Variants in MAN1B1 observed in about 807,000 individuals in gnomAD.
The protein encoded by MAN1B1 is mannosidase alpha class 1B member 1, also known as endoplasmic reticulum mannosyl-oligosaccharide 1,2-alpha-mannosidase.
In MAN1B1, 66 loss-of-function variants were observed where a neutral mutation model predicts 75.5. The observed-to-expected ratio is 0.87, with a 90% CI of 0.72 to 1.07. The LOEUF (loss-of-function observed/expected upper bound fraction) is 1.07. MAN1B1 is among the 50% of genes least tolerant of loss of function. The pLI is 0.00. For missense variants in MAN1B1, 973 were observed against 912.5 expected, an observed-to-expected ratio of 1.07 and a Z score of -0.85; for synonymous variants, 453 against 382.8, an observed-to-expected ratio of 1.18 and a Z score of -2.14.
intron 3 of MAN1B1, 191 bp downstream of exon 3, chr9:137,089,196 C>G: frequency 1.4e-6 from 1 of 705,064 alleles, no homozygotes; most frequent in South Asian, 1.7e-5. Context: ...TTTTGAAGAC[C>G]AGCCATGGCC....
intron 12 of MAN1B1, chr9:137,107,949 T>TC (rs1183044616): frequency 4.7e-6 from 3 of 633,600 alleles, no homozygotes; most frequent in Non-Finnish European, 5.7e-6. Context: ...GGGCCCAGCA[T>TC]CCCCCCAGTT....
At chr9:137,103,311 C>A in intron 8 of MAN1B1, 1 of 436,298 alleles carries the variant, frequency 2.3e-6, no homozygotes, top group South Asian at 1.6e-5. Context: ...CATGCTGTTG[C>A]AGGCGTGCAG....
rs1441928847 is a variant in MAN1B1 at position 137,108,495 on chromosome 9, G to A, written c.2004G>A (p.Leu668=). 6.2e-7 allele frequency: 1 copy of A among 1,613,910 alleles called. No individual in the cohort carries two copies. The highest frequency in any genetic ancestry group is 1.3e-5 in the African/African-American group (1 of 74,928). ...SFFLGETLKY[L]FLLFSDDPNL... ...TCCTGGGGGAGACGCTCAAGTATCTGTTCTTGCTCTTCTCCGATGACCCAA... is the reference window on the plus strand; with the variant it reads ...TCCTGGGGGAGACGCTCAAGTATCTATTCTTGCTCTTCTCCGATGACCCAA... Residue 668 remains leucine (L), a synonymous_variant, in exon 13 of 13, where the codon CTG becomes CTA. Coordinates refer to ENST00000371589, the MANE Select transcript of MAN1B1 (RefSeq NM_016219.5).
chr9:137,105,929 GGTGGCTGT>G (rs1198796018), intron 8 of MAN1B1, 188 bp from the exon 9 acceptor site: 26 of 696,598 alleles, frequency 3.7e-5, no homozygotes, highest in South Asian at 2.1e-4. Context: ...GCGTTGCACT[GGTGGCTGT>G]GTGGCTGTGT....
chr9:137,099,337 C>T (rs1221566539), intron 5 of MAN1B1, among the ~76,000 whole-genome samples: 1 of 152,276 alleles, frequency 6.6e-6, no homozygotes, highest in Non-Finnish European at 1.5e-5. Context: ...GCTGTCCCAG[C>T]GCCCTTGGGG....
chr9:137,105,553 G>A (rs747011731), intron 8 of MAN1B1: 6 of 277,636 alleles, frequency 2.2e-5, no homozygotes, highest in African/African-American at 7.0e-5. Flanking sequence ...GACCCGGAGC[G>A]CCCTTGCTGG....
chr9:137,100,540 T>C (rs183783672), intron 6 of MAN1B1, among the ~76,000 whole-genome samples: 21 of 152,320 alleles, frequency 1.4e-4, no homozygotes, highest in African/African-American at 3.8e-4. Context: ...TTTTTGTTTT[T>C]GAGATGGAGT....
Position 137,101,039 on chromosome 9 carries a change from G to A in MAN1B1, c.951G>A (p.Lys317=), listed in dbSNP as rs760295842. Residue 317 remains lysine, a synonymous_variant, in exon 7 of 13, where the codon AAG becomes AAA. Coordinates refer to ENST00000371589, the MANE Select transcript of MAN1B1 (RefSeq NM_016219.5). ...FEEARKWVSK[K]LHFEKDVDVN... is the part of the protein sequence containing the mutation. The stretch of plus-strand genomic sequence containing the variant: ...AAGCCAGGAAGTGGGTGTCGAAGAA[G>A]TTACACTTTGAAAAGGACGTGGACG... The A allele has an allele frequency of 6.2e-7, 1 of 1,614,202 alleles. No homozygotes were observed. The highest frequency in any genetic ancestry group is 1.3e-5 in the African/African-American group (1 of 75,060).
At chr9:137,096,157 A>T in intron 3 of MAN1B1, 80 bp from the exon 4 acceptor site, 1 of 1,475,504 alleles carries the variant, frequency 6.8e-7, no homozygotes, top group East Asian at 2.3e-5. Flanking sequence ...TGTGGGCTGC[A>T]CCTGAGGGCG....
intron 8 of MAN1B1, chr9:137,105,285 A>T (rs1484892189): frequency 6.5e-6 from 1 of 153,956 alleles, no homozygotes; most frequent in African/African-American, 2.4e-5. Context: ...AGCTGGACAC[A>T]GCCCTCTTTA....
Position 137,107,554 on chromosome 9 carries a change from G to A in MAN1B1, c.1788G>A (p.Leu596=). 3.1e-6 allele frequency: 5 copies of A among 1,612,876 alleles called. 1 individual carries two copies. In the South Asian group the frequency reaches 5.5e-5, roughly 18 times the overall value. ...AGCCAGCAGACAGGCACAACCTGCT[G>A]CGGCCAGAGACCGTGGAGAGCCTGT... ...EVKPADRHNL[L]RPETVESLFY... Residue 596 remains leucine (L), a synonymous_variant, in exon 12 of 13, where the codon CTG becomes CTA. Transcript: ENST00000371589.
intron 8 of MAN1B1, chr9:137,104,426 G>A (rs764488612): frequency 3.5e-6 from 1 of 287,924 alleles, no homozygotes; most frequent in South Asian, 3.6e-5. Flanking sequence ...TTAGAGACAG[G>A]GTTTCACCAA....
intron 8 of MAN1B1, chr9:137,104,437 G>A (rs1025674587): frequency 2.1e-5 from 6 of 284,998 alleles, no homozygotes; most frequent in African/African-American, 1.3e-4. Flanking sequence ...GTTTCACCAA[G>A]TTGGCCAGAC....
At chr9:137,104,366 C>G (rs1452138730) in intron 8 of MAN1B1, 1 of 304,086 alleles carries the variant, frequency 3.3e-6, no homozygotes, top group African/African-American at 2.2e-5. Context: ...TCCCAAGTAG[C>G]TGGGATTACA....
Position 137,106,088 on chromosome 9 carries a change from C to T in MAN1B1, c.1255-37C>T, listed in dbSNP as rs554095248. On this transcript the variant is annotated intron_variant, in intron 8 of 12. Coordinates refer to ENST00000371589, the MANE Select transcript of MAN1B1 (RefSeq NM_016219.5). ...CTACAGCTCACCCTGCAGCTCGGCCCTGGCCAGTAAACCCACCATCCCCCT... is the reference window on the plus strand; with the variant it reads ...CTACAGCTCACCCTGCAGCTCGGCCTTGGCCAGTAAACCCACCATCCCCCT... 4 of 1,573,160 alleles carry T rather than the reference C, an allele frequency of 2.5e-6. No individual in the cohort carries two copies. The East Asian group carries it at 6.7e-5, about 26-fold the overall frequency.
In MAN1B1 at chr9:137,100,987, T is replaced by C; in HGVS notation, c.917-18T>C. The C allele has an allele frequency of 6.2e-7, 1 of 1,614,072 alleles. No homozygotes were observed. The highest frequency in any genetic ancestry group is 2.2e-5 in the East Asian group (1 of 44,882). ...GCCATCCATTTGTCTCTGCATCCTT[T>C]ACTGTTTTATGTCATAGAATTTGAG... On this transcript the variant is annotated intron_variant, in intron 6 of 12. Coordinates refer to ENST00000371589, the MANE Select transcript of MAN1B1 (RefSeq NM_016219.5).
At chr9:137,098,629 A>G (rs894248113) in intron 5 of MAN1B1, among the ~76,000 whole-genome samples, 11 of 152,192 alleles carry the variant, frequency 7.2e-5, no homozygotes, top group African/African-American at 2.2e-4. Context: ...AGGCATAGAC[A>G]TGCCATGAGC....
chr9:137,099,026 C>T (rs777600274), intron 5 of MAN1B1, among the ~76,000 whole-genome samples: 23 of 152,122 alleles, frequency 1.5e-4, no homozygotes, highest in African/African-American at 2.7e-4. Context: ...GACGGGGTTT[C>T]GCGATGTTGG....
chr9:137,097,729 G>T, intron 4 of MAN1B1, 99 bp from the exon 5 acceptor site: 1 of 915,836 alleles, frequency 1.1e-6, no homozygotes, highest in Non-Finnish European at 1.8e-6. Flanking sequence ...CGCTTTGGGT[G>T]CAGGGCTGTG....
Sources: gnomAD v4.1 joint callset for allele counts (sites outside exome capture counted in the v4.1 genomes callset) on GRCh38, gnomAD v4.1.1 for gene constraint, MANE v1.5 for transcripts, NCBI Gene and HGNC (gene_info 2026-07-23, HGNC 2026-07-21) for gene names.